Variants in NRXN3 observed in about 807,000 individuals in gnomAD.
The protein encoded by NRXN3 is neurexin III.
Under a neutral mutation model 137.6 loss-of-function variants are expected in NRXN3, and 32 were observed. The ratio of observed to expected loss-of-function variants is 0.23; its 90% CI spans 0.18 to 0.31. The LOEUF is 0.31. Among genes scored for constraint, NRXN3 ranks in the 10% least tolerant of loss-of-function variants. The pLI, the probability that NRXN3 is intolerant of heterozygous loss-of-function variation, is 1.00. For synonymous variants in NRXN3, 798 were observed against 784.5 expected (o/e 1.02, Z -0.29); for missense variants, 1,574 against 2,062.5 (o/e 0.76, Z 4.59).
intron 10 of NRXN3, among the ~76,000 whole-genome samples, chr14:78,830,851 C>T (rs2098979639): frequency 6.6e-6 from 1 of 152,132 alleles, no homozygotes; most frequent in African/African-American, 2.4e-5. Flanking sequence ...TTATATGCCA[C>T]ATTCAACTTC....
intron 4 of NRXN3, among the ~76,000 whole-genome samples, chr14:78,542,101 T>G (rs540058055): frequency 3.0e-4 from 46 of 152,212 alleles, no homozygotes; most frequent in African/African-American, 1.1e-3. Flanking sequence ...TACTGGGAGG[T>G]GTCTCCCAGT....
At chr14:78,812,598 G>A (rs535613293) in intron 10 of NRXN3, among the ~76,000 whole-genome samples, 4 of 152,122 alleles carry the variant, frequency 2.6e-5, no homozygotes, top group Non-Finnish European at 2.9e-5. Flanking sequence ...ACAACTCCCA[G>A]GATTACCTCT....
chr14:79,641,165 G>A (rs221468), intron 16 of NRXN3, among the ~76,000 whole-genome samples: 62,702 of 131,908 alleles, frequency 0.48, 23,297 homozygotes, highest in African/African-American at 0.81. Context: ...ACAGCACCTC[G>A]CCTGGCTAAT....
intron 4 of NRXN3, among the ~76,000 whole-genome samples, chr14:78,435,969 A>G (rs868806925): frequency 1.3e-5 from 2 of 152,244 alleles, no homozygotes; most frequent in Non-Finnish European, 2.9e-5. Context: ...GGAATATGAC[A>G]GGAGCAGGAA....
intron 16 of NRXN3, among the ~76,000 whole-genome samples, chr14:79,520,916 G>A (rs1013899835): frequency 6.6e-6 from 1 of 152,140 alleles, no homozygotes; most frequent in African/African-American, 2.4e-5. Flanking sequence ...GCCATTACTG[G>A]GTATATACCC....
chr14:79,618,237 G>A (rs939048240), intron 16 of NRXN3, among the ~76,000 whole-genome samples: 1 of 151,946 alleles, frequency 6.6e-6, no homozygotes, highest in Non-Finnish European at 1.5e-5. Context: ...ACATGTGCAG[G>A]CTTGTTACAT....
chr14:79,506,024 G>A (rs2096874760), intron 16 of NRXN3, among the ~76,000 whole-genome samples: 1 of 152,068 alleles, frequency 6.6e-6, no homozygotes, highest in Non-Finnish European at 1.5e-5. Context: ...CTTTCTTGTG[G>A]CAGCATGATT....
rs1248179449 is a variant in NRXN3 at position 78,966,380 on chromosome 14, C to T, written c.2751C>T (p.Asp917=). The T allele has an allele frequency of 1.7e-5, 27 of 1,613,066 alleles. No individual in the cohort carries two copies. The Admixed American group carries it at 4.5e-4, about 27-fold the overall frequency. Residue 917 remains aspartate (D), a synonymous_variant, in exon 12 of 21, where the codon GAC becomes GAT. Coordinates refer to ENST00000335750, the MANE Select transcript of NRXN3 (RefSeq NM_001330195.2). The stretch of plus-strand genomic sequence containing the variant: ...TCTTCAATAGTGGTGATGGCAATGA[C>T]TTCATTGCAGTCGAGCTTGTCAAGG... ...FILFNSGDGN[D]FIAVELVKGY...
chr14:78,172,815 A>C (rs1335598020), intron 1 of NRXN3, among the ~76,000 whole-genome samples: 1 of 152,092 alleles, frequency 6.6e-6, no homozygotes, highest in Non-Finnish European at 1.5e-5. Context: ...TGAGAAGAGG[A>C]GGGGGCAGAA....
intron 1 of NRXN3, among the ~76,000 whole-genome samples, chr14:78,174,609 G>C (rs2059084638): frequency 6.6e-6 from 1 of 152,196 alleles, no homozygotes; most frequent in South Asian, 2.1e-4. Context: ...GCAGGAGGCT[G>C]CCTGCCTCTT....
At chr14:78,230,469 A>G (rs561505523) in intron 1 of NRXN3, among the ~76,000 whole-genome samples, 7 of 152,216 alleles carry the variant, frequency 4.6e-5, no homozygotes, top group Admixed American at 2.6e-4. Context: ...GGAGGGGTAC[A>G]GTTCCTATGG....
At chr14:78,753,953 C>A (rs2098655470) in intron 8 of NRXN3, 1 of 152,110 alleles carries the variant, frequency 6.6e-6, no homozygotes, top group African/African-American at 2.4e-5. Flanking sequence ...AACTGGGGCA[C>A]ATTCAAATTT....
chr14:78,773,647 A>T (rs768119879), intron 8 of NRXN3, among the ~76,000 whole-genome samples: 6 of 152,104 alleles, frequency 3.9e-5, no homozygotes, highest in Non-Finnish European at 7.3e-5. Flanking sequence ...TCCAGCTCAT[A>T]TGCTGCTGCT....
intron 16 of NRXN3, among the ~76,000 whole-genome samples, chr14:79,484,459 A>G (rs1034355238): frequency 6.6e-5 from 10 of 152,178 alleles, no homozygotes; most frequent in Admixed American, 5.2e-4. Context: ...ACAAGTTGAT[A>G]TTTCTAGTTT....
At chr14:78,333,683 G>T (rs1346346352) in intron 4 of NRXN3, among the ~76,000 whole-genome samples, 1 of 152,134 alleles carries the variant, frequency 6.6e-6, no homozygotes, top group Non-Finnish European at 1.5e-5. Flanking sequence ...CATAGGGAGG[G>T]ACCTACAGAT....
intron 20 of NRXN3, among the ~76,000 whole-genome samples, chr14:79,814,760 A>C (rs2099246567): frequency 6.6e-6 from 1 of 152,216 alleles, no homozygotes; most frequent in Non-Finnish European, 1.5e-5. Context: ...AGGGAGCATC[A>C]TTTCTGCTGT....
intron 15 of NRXN3, among the ~76,000 whole-genome samples, chr14:79,020,127 C>CTTTT (rs1491098412): frequency 0.018 from 189 of 10,650 alleles, 11 homozygotes; most frequent in African/African-American, 0.12. Context: ...CTTTTCCTTT[C>CTTTT]CCTTCCCTTC....
rs752979901 is a variant in NRXN3, at chr14:78,651,338, C to T, written c.1221+12C>T. On this transcript the variant is annotated intron_variant, in intron 6 of 20. Transcript: ENST00000335750. Reference sequence around the variant, plus strand: ...GCTGCCTTAAAGAGGTAAAGTTCACCCAATTCTATTTAATGCACCATGTGA... The same window carrying T: ...GCTGCCTTAAAGAGGTAAAGTTCACTCAATTCTATTTAATGCACCATGTGA... 4 of 1,612,966 alleles carry T rather than the reference C, an allele frequency of 2.5e-6. No individual in the cohort carries two copies. The highest frequency in any genetic ancestry group is 2.2e-5 in the South Asian group (2 of 90,980).
At position 78,999,919 on chromosome 14, in the gene NRXN3, C is replaced by T. The variant is rs74803447; in HGVS notation, c.3262+11778C>T. On this transcript the variant is annotated intron_variant, in intron 15 of 20. Transcript: ENST00000335750. ...ATCGAGTGAGATAGTAGAACTTTAT[C>T]GTCAATCATCAAATCCCACAGTTTT... Among the ~76,000 whole-genome samples the T allele has an allele frequency of 3.5e-4, 53 of 152,264 alleles. No homozygotes were observed. The East Asian group carries it at 4.6e-3, about 13-fold the overall frequency.
Sources: allele counts gnomAD v4.1 joint callset (sites outside exome capture counted in the v4.1 genomes callset), GRCh38; gene constraint gnomAD v4.1.1; transcripts MANE v1.5; gene names NCBI Gene and HGNC (gene_info 2026-07-23, HGNC 2026-07-21).